The following CDK14 variants were observed in gnomAD, a reference collection of about 807,000 sequenced individuals.
CDK14 encodes the protein cyclin-dependent kinase 14.
CDK14 carries 34 observed loss-of-function variants against 60.7 expected under a neutral mutation model. The observed-to-expected ratio is 0.56, with a 90% CI of 0.43 to 0.75. The LOEUF is 0.75. CDK14 is among the 30% of genes least tolerant of loss of function. The pLI, the probability that CDK14 is intolerant of heterozygous loss-of-function variation, is 0.00. For synonymous variants in CDK14, 197 were observed against 203.7 expected, an observed-to-expected ratio of 0.97 and a Z score of 0.28; for missense variants, 482 against 564.1, an observed-to-expected ratio of 0.85 and a Z score of 1.47.
chr7:91,091,712 G>A (rs371855647), intron 12 of CDK14, among the ~76,000 whole-genome samples: 3 of 116,088 alleles, frequency 2.6e-5, no homozygotes, highest in African/African-American at 7.5e-5. Flanking sequence ...GAAGGAGGGA[G>A]GGAAGGAAAG....
At chr7:90,710,558 A>G in intron 2 of CDK14, 1 of 985,184 alleles carries the variant, frequency 1.0e-6, no homozygotes, top group Non-Finnish European at 1.2e-6. Flanking sequence ...ACTGCTGAGC[A>G]GAGGTCAGTG....
intron 2 of CDK14, among the ~76,000 whole-genome samples, chr7:90,644,608 G>A (rs1484227156): frequency 6.6e-6 from 1 of 152,196 alleles, no homozygotes; most frequent in African/African-American, 2.4e-5. Flanking sequence ...TCTTCTTAGT[G>A]GATATGCGTT....
chr7:90,821,326 G>C, intron 5 of CDK14, among the ~76,000 whole-genome samples: 1 of 152,218 alleles, frequency 6.6e-6, no homozygotes, highest in Admixed American at 6.5e-5. Flanking sequence ...CCTACAGAGT[G>C]TTCCAAGCTG....
chr7:91,073,774 A>G (rs945625997), intron 11 of CDK14, among the ~76,000 whole-genome samples: 7 of 75,488 alleles, frequency 9.3e-5, no homozygotes, highest in Non-Finnish European at 2.0e-4. Flanking sequence ...GTGCAGAGAC[A>G]CACATGGGCC....
At chr7:90,648,540 G>A (rs576262502) in intron 2 of CDK14, among the ~76,000 whole-genome samples, 1 of 152,122 alleles carries the variant, frequency 6.6e-6, no homozygotes, top group Admixed American at 6.5e-5. Context: ...GCCTTTCTAG[G>A]GAATGACTAC....
chr7:91,004,700 G>A (rs955122107), intron 10 of CDK14, among the ~76,000 whole-genome samples: 1 of 152,112 alleles, frequency 6.6e-6, no homozygotes, highest in Non-Finnish European at 1.5e-5. Context: ...ATCTGACCAT[G>A]GTAAATTAAT....
At chr7:91,034,684 C>G (rs1441105094) in intron 10 of CDK14, among the ~76,000 whole-genome samples, 1 of 152,108 alleles carries the variant, frequency 6.6e-6, no homozygotes, top group Non-Finnish European at 1.5e-5. Flanking sequence ...CTGTCTTTAC[C>G]AGGTAGAGTT....
intron 14 of CDK14, among the ~76,000 whole-genome samples, chr7:91,147,141 G>GTC (rs150638262): frequency 0.033 from 2,591 of 79,016 alleles, 67 homozygotes; most frequent in Middle Eastern, 0.05. Context: ...ACCTCTCTCT[G>GTC]TCTCTCTCTC....
At chr7:90,943,062 G>A (rs1002919543) in intron 8 of CDK14, among the ~76,000 whole-genome samples, 6 of 152,188 alleles carry the variant, frequency 3.9e-5, no homozygotes, top group African/African-American at 1.2e-4. Context: ...CTAAAGTGTC[G>A]TGCTGAATCA....
chr7:90,802,946 G>A (rs900862330), intron 5 of CDK14, among the ~76,000 whole-genome samples: 1 of 152,050 alleles, frequency 6.6e-6, no homozygotes, highest in Non-Finnish European at 1.5e-5. Context: ...CTGCTTGTGT[G>A]TTTGGTCTCT....
rs1315318879 is a variant in CDK14 at position 91,112,692 on chromosome 7, C to G, written c.1294+11C>G. On this transcript the variant is annotated intron_variant, in intron 13 of 14. Coordinates refer to ENST00000380050, the MANE Select transcript of CDK14 (RefSeq NM_001287135.2). Reference sequence around the variant, plus strand: ...GGGAACTCACCGACAGTGAGTATGACAAATCCACAACATCCAGTCCAAGCA... The same window carrying G: ...GGGAACTCACCGACAGTGAGTATGAGAAATCCACAACATCCAGTCCAAGCA... The G allele has an allele frequency of 5.0e-6, 8 of 1,612,820 alleles. No homozygotes were observed. The highest frequency in any genetic ancestry group is 5.9e-6 in the Non-Finnish European group (7 of 1,179,304).
rs563140382 is a variant in CDK14 at position 91,179,489 on chromosome 7, A to C, written c.*29-27676A>C. Among the ~76,000 whole-genome samples, 332 of 125,764 alleles carry C rather than the reference A, an allele frequency of 2.6e-3. 1 individual carries two copies. Among genetic ancestry groups the C allele is most frequent in the South Asian group, 0.021 (77 of 3,584 alleles). 82.5% of individuals were successfully genotyped at this position (125,764 alleles called of 152,430 possible). On this transcript the variant is annotated intron_variant, in intron 14 of 14. Coordinates refer to ENST00000380050, the MANE Select transcript of CDK14 (RefSeq NM_001287135.2). ...CTGCACGATGTGCACATGTACCCTA[A>C]AACTTAAAGTATAATTAAAAAAAAA...
At chr7:90,952,182 A>G (rs1027728430) in intron 8 of CDK14, among the ~76,000 whole-genome samples, 3 of 152,156 alleles carry the variant, frequency 2.0e-5, no homozygotes, top group African/African-American at 7.2e-5. Flanking sequence ...GGCTGTTATG[A>G]TGAGGCCTGA....
At chr7:91,191,280 C>G (rs1019322428) in intron 14 of CDK14, among the ~76,000 whole-genome samples, 1 of 152,104 alleles carries the variant, frequency 6.6e-6, no homozygotes, top group Non-Finnish European at 1.5e-5. Flanking sequence ...CTGAAACAAT[C>G]ACACAAAGTT....
intron 2 of CDK14, among the ~76,000 whole-genome samples, chr7:90,649,893 A>G (rs1016828188): frequency 6.6e-6 from 1 of 152,108 alleles, no homozygotes; most frequent in Non-Finnish European, 1.5e-5. Context: ...CAAGTCTGCT[A>G]TTGTGAATAG....
At chr7:90,720,045 A>C (rs1410308767) in intron 2 of CDK14, among the ~76,000 whole-genome samples, 1 of 152,184 alleles carries the variant, frequency 6.6e-6, no homozygotes, top group African/African-American at 2.4e-5. Context: ...TAATGAACAA[A>C]TCTTTACTGG....
intron 11 of CDK14, among the ~76,000 whole-genome samples, chr7:91,076,242 CAAAAAAAAAAAAAAAA>C (rs564729987): frequency 1.4e-3 from 40 of 28,804 alleles, no homozygotes; most frequent in African/African-American, 2.2e-3. Flanking sequence ...CTACAGTAAC[CAAAAAAAAAAAAAAAA>C]AAAAAAAAAA....
chr7:90,779,729 C>T (rs576892980), intron 4 of CDK14, among the ~76,000 whole-genome samples: 19 of 152,196 alleles, frequency 1.2e-4, no homozygotes, highest in South Asian at 4.2e-4. Flanking sequence ...AAGAAAACCC[C>T]GGACCTTATA....
chr7:91,154,701 T>C (rs1800932000), intron 14 of CDK14, among the ~76,000 whole-genome samples: 1 of 152,144 alleles, frequency 6.6e-6, no homozygotes, highest in Admixed American at 6.6e-5. Context: ...AGATAATTCA[T>C]TTGAAGCAAT....
Sources: gnomAD v4.1 joint callset for allele counts (sites outside exome capture counted in the v4.1 genomes callset) on GRCh38, gnomAD v4.1.1 for gene constraint, MANE v1.5 for transcripts, NCBI Gene and HGNC (gene_info 2026-07-23, HGNC 2026-07-21) for gene names.